The following NRXN3 variants were observed in gnomAD, a reference collection of about 807,000 sequenced individuals.
The protein encoded by NRXN3 is neurexin III.
NRXN3 carries 32 observed loss-of-function variants against 137.6 expected under a neutral mutation model. The observed-to-expected ratio is 0.23, with a 90% confidence interval of 0.18 to 0.31. The LOEUF is 0.31. Ranked by LOEUF, NRXN3 falls within the 10% of genes least tolerant of loss-of-function variation. The pLI is 1.00. For missense variants in NRXN3, 1,574 were observed against 2,062.5 expected, an observed-to-expected ratio of 0.76 and a Z score of 4.59; for synonymous variants, 798 against 784.5, an observed-to-expected ratio of 1.02 and a Z score of -0.29.
chr14:78,919,744 T>G (rs1331376418), intron 10 of NRXN3, among the ~76,000 whole-genome samples: 4 of 152,210 alleles, frequency 2.6e-5, no homozygotes, highest in Non-Finnish European at 5.9e-5. Context: ...ACATAACTTA[T>G]TTGGCCTTAT....
chr14:78,421,372 A>G (rs1374726791), intron 4 of NRXN3, among the ~76,000 whole-genome samples: 1 of 152,184 alleles, frequency 6.6e-6, no homozygotes, highest in Non-Finnish European at 1.5e-5. Context: ...AATAGCGACC[A>G]GTTAAAAATA....
intron 15 of NRXN3, among the ~76,000 whole-genome samples, chr14:79,360,816 T>A (rs914810782): frequency 6.6e-6 from 1 of 152,378 alleles, no homozygotes; most frequent in East Asian, 1.9e-4. Flanking sequence ...CGAATTTACC[T>A]AATCTTTTTG....
chr14:79,127,949 G>C (rs1180605669), intron 15 of NRXN3, among the ~76,000 whole-genome samples: 1 of 150,074 alleles, frequency 6.7e-6, no homozygotes, highest in Non-Finnish European at 1.5e-5. Flanking sequence ...TTGTGAATGG[G>C]AGTTCACTCA....
chr14:78,666,098 T>C (rs1192231440), intron 6 of NRXN3, among the ~76,000 whole-genome samples: 1 of 152,174 alleles, frequency 6.6e-6, no homozygotes, highest in African/African-American at 2.4e-5. Flanking sequence ...ATTTTTTCTT[T>C]TAAAAATTGT....
intron 1 of NRXN3, among the ~76,000 whole-genome samples, chr14:78,173,062 G>T (rs939415668): frequency 1.3e-5 from 2 of 152,048 alleles, no homozygotes; most frequent in Non-Finnish European, 2.9e-5. Flanking sequence ...GTGGCGGTTG[G>T]TGTGTTTGTC....
At chr14:79,294,461 C>T (rs899391875) in intron 15 of NRXN3, among the ~76,000 whole-genome samples, 7 of 152,108 alleles carry the variant, frequency 4.6e-5, no homozygotes, top group Non-Finnish European at 7.4e-5. Context: ...AGAAAATTCA[C>T]GGTAATTATT....
chr14:78,718,018 G>C (rs1178024320), intron 8 of NRXN3, among the ~76,000 whole-genome samples: 1 of 152,154 alleles, frequency 6.6e-6, no homozygotes, highest in Non-Finnish European at 1.5e-5. Context: ...CACTTCTGAA[G>C]AAGAATGAAG....
intron 16 of NRXN3, among the ~76,000 whole-genome samples, chr14:79,505,940 C>T (rs754748204): frequency 6.6e-6 from 1 of 152,188 alleles, no homozygotes; most frequent in Non-Finnish European, 1.5e-5. Context: ...TTGATCAAGA[C>T]TGTATTTCTC....
At chr14:78,496,745 C>A (rs1015339794) in intron 4 of NRXN3, among the ~76,000 whole-genome samples, 2 of 151,782 alleles carry the variant, frequency 1.3e-5, no homozygotes, top group African/African-American at 4.8e-5. Flanking sequence ...ATAGGTGAAT[C>A]CAAAGATGAA....
intron 20 of NRXN3, among the ~76,000 whole-genome samples, chr14:79,845,562 G>A (rs1462483911): frequency 2.1e-5 from 3 of 140,668 alleles, no homozygotes; most frequent in East Asian, 4.4e-4. Context: ...GATAGACAGA[G>A]AGAGAGAGAG....
chr14:79,518,521 T>TATATATAC (rs1442626641), intron 16 of NRXN3, among the ~76,000 whole-genome samples: 1 of 152,138 alleles, frequency 6.6e-6, no homozygotes, highest in Non-Finnish European at 1.5e-5. Context: ...GCTGTGTGTG[T>TATATATAC]ATATATACAT....
intron 15 of NRXN3, among the ~76,000 whole-genome samples, chr14:79,189,318 A>T (rs1297188221): frequency 6.8e-6 from 1 of 147,706 alleles, no homozygotes; most frequent in African/African-American, 2.5e-5. Context: ...ATTCTCACTC[A>T]TAGGTGGTAA....
chr14:78,473,920 TGTAA>T (rs898015128), intron 4 of NRXN3, among the ~76,000 whole-genome samples: 29 of 152,172 alleles, frequency 1.9e-4, no homozygotes, highest in African/African-American at 7.0e-4. Context: ...AGAGCAAACG[TGTAA>T]GTGTCAGTGT....
chr14:78,439,429 G>A (rs997273096), intron 4 of NRXN3, among the ~76,000 whole-genome samples: 1 of 152,196 alleles, frequency 6.6e-6, no homozygotes, highest in Admixed American at 6.5e-5. Context: ...GCCAGGCATT[G>A]TTTAGCGCTC....
chr14:78,285,977 A>G (rs919431435), intron 3 of NRXN3, among the ~76,000 whole-genome samples: 5 of 152,152 alleles, frequency 3.3e-5, no homozygotes, highest in African/African-American at 4.8e-5. Context: ...AGTGTGAGTA[A>G]GGAGCTGCTT....
chr14:79,044,165 C>G (rs2099629360), intron 15 of NRXN3, among the ~76,000 whole-genome samples: 2 of 152,172 alleles, frequency 1.3e-5, no homozygotes, highest in Admixed American at 1.3e-4. Flanking sequence ...TAAGATAAGG[C>G]CTTCTTTTGA....
chr14:78,913,137 C>G (rs2099243957), intron 10 of NRXN3, among the ~76,000 whole-genome samples: 1 of 152,052 alleles, frequency 6.6e-6, no homozygotes, highest in South Asian at 2.1e-4. Flanking sequence ...AAGACAAGTA[C>G]AGGTCGGAAA....
intron 15 of NRXN3, among the ~76,000 whole-genome samples, chr14:79,041,669 C>T (rs899279487): frequency 1.3e-5 from 2 of 152,148 alleles, no homozygotes; most frequent in Non-Finnish European, 2.9e-5. Context: ...AGGCTCACTT[C>T]TTTCTGGAAC....
intron 4 of NRXN3, among the ~76,000 whole-genome samples, chr14:78,614,529 G>A (rs904942846): frequency 5.3e-5 from 8 of 151,044 alleles, no homozygotes; most frequent in African/African-American, 1.9e-4. Context: ...AATAGGCAAA[G>A]CATGCAACAC....
Sources: gnomAD v4.1 joint callset for allele counts (sites outside exome capture counted in the v4.1 genomes callset) on GRCh38, gnomAD v4.1.1 for gene constraint, MANE v1.5 for transcripts, NCBI Gene and HGNC (gene_info 2026-07-23, HGNC 2026-07-21) for gene names.